ANAPC5: variants seen among roughly 807,000 people sequenced by gnomAD.
The protein encoded by ANAPC5 is anaphase-promoting complex subunit 5.
ANAPC5 carries 60 observed loss-of-function variants against 91.3 expected under a neutral mutation model. The observed-to-expected ratio is 0.66, with a 90% CI of 0.53 to 0.81. The LOEUF is 0.81. Ranked by LOEUF, ANAPC5 falls within the 40% of genes least tolerant of loss-of-function variation. The pLI is 0.00. For synonymous variants in ANAPC5, 340 were observed against 364.1 expected (o/e 0.93, Z 0.75); for missense variants, 690 against 931.5 (o/e 0.74, Z 3.37).
rs116640700 is a variant in ANAPC5, at chr12:121,309,654, T to A, written c.2056+47A>T. 102 of 1,551,350 alleles carry A rather than the reference T, an allele frequency of 6.6e-5. No individual in the cohort carries two copies. In the African/African-American group the frequency reaches 1.3e-3, roughly 20 times the overall value. On this transcript the variant is annotated intron_variant, in intron 16 of 16. Coordinates refer to ENST00000261819, the MANE Select transcript of ANAPC5 (RefSeq NM_016237.5). ...CTTCTTCTGGGTCCTAAACTTTCAA[T>A]GCTTTCTGGAATAGCATTGCCTAAC...
chr12:121,316,516 G>A (rs1902368092), intron 15 of ANAPC5, among the ~76,000 whole-genome samples: 2 of 151,940 alleles, frequency 1.3e-5, no homozygotes, highest in Admixed American at 1.3e-4. Context: ...GGCGGATCAC[G>A]AGGTCAGGAG....
intron 9 of ANAPC5, among the ~76,000 whole-genome samples, chr12:121,329,936 C>T (rs1314638490): frequency 2.0e-5 from 3 of 152,154 alleles, no homozygotes; most frequent in Non-Finnish European, 4.4e-5. Flanking sequence ...TTCAATGCCC[C>T]TCTGTGTATG....
chr12:121,341,470 G>C (rs1168202027), intron 5 of ANAPC5, among the ~76,000 whole-genome samples: 1 of 152,126 alleles, frequency 6.6e-6, no homozygotes, highest in Non-Finnish European at 1.5e-5. Context: ...CTGGGCAACA[G>C]AGTAAGACTC....
chr12:121,310,593 C>T (rs1902125600), intron 15 of ANAPC5, among the ~76,000 whole-genome samples: 1 of 151,376 alleles, frequency 6.6e-6, no homozygotes, highest in Non-Finnish European at 1.5e-5. Context: ...CTACTTAACA[C>T]ACAAGAAAGC....
chr12:121,322,656 T>C (rs1444762574), intron 11 of ANAPC5, among the ~76,000 whole-genome samples: 2 of 152,134 alleles, frequency 1.3e-5, no homozygotes, highest in Non-Finnish European at 2.9e-5. Flanking sequence ...TATTTTCCAT[T>C]TAAAAAATGC....
intron 11 of ANAPC5, among the ~76,000 whole-genome samples, chr12:121,322,067 T>C (rs927866306): frequency 5.3e-5 from 8 of 151,816 alleles, no homozygotes; most frequent in African/African-American, 1.9e-4. Context: ...GGTTTCACCA[T>C]GTTGGTCAGG....
intron 6 of ANAPC5, among the ~76,000 whole-genome samples, chr12:121,336,294 G>A (rs1156780412): frequency 6.6e-6 from 1 of 151,800 alleles, no homozygotes; most frequent in Non-Finnish European, 1.5e-5. Flanking sequence ...AATTTTCCGA[G>A]TAAAAAATCC....
At chr12:121,314,559 A>C (rs1902283136) in intron 15 of ANAPC5, among the ~76,000 whole-genome samples, 1 of 152,192 alleles carries the variant, frequency 6.6e-6, no homozygotes, top group Non-Finnish European at 1.5e-5. Flanking sequence ...ACCCACAGCT[A>C]GCATGATATT....
chr12:121,308,816 TGA>T, intron 16 of ANAPC5, 125 bp from the exon 17 acceptor site: 1 of 849,376 alleles, frequency 1.2e-6, no homozygotes, highest in South Asian at 1.6e-5. Flanking sequence ...CTCCATTCTT[TGA>T]GAGAGAAAAA....
chr12:121,319,655 C>T (rs1902516853), intron 13 of ANAPC5, 42 bp downstream of exon 13: 2 of 1,561,782 alleles, frequency 1.3e-6, no homozygotes, highest in Non-Finnish European at 1.7e-6. Context: ...AACCATTTAA[C>T]AATTATTTTA....
In ANAPC5 at chr12:121,335,606, C is replaced by A. The variant is rs1555273374; in HGVS notation, c.877G>T (p.Glu293Ter). 4 of 1,613,968 alleles carry A rather than the reference C, an allele frequency of 2.5e-6. No homozygotes were observed. The highest frequency in any genetic ancestry group is 1.3e-5 in the African/African-American group (1 of 74,928). ...LTGAESKSNG[E>*]EGYGRSLRYA... ...CTCAAGCTCCGGCCATAGCCCTCTT[C>A]CCCATTACTTTTGCTTTCGGCTCCG... Residue 293 changes from glutamate to a stop codon, truncating the protein, a stop_gained, in exon 7 of 17, where the codon GAA (glutamate) becomes TAA (stop). Transcript: ENST00000261819. LOFTEE classifies it high-confidence loss of function.
At chr12:121,341,904 C>G (rs1903473294) in intron 5 of ANAPC5, 99 bp downstream of exon 5, 29 of 873,390 alleles carry the variant, frequency 3.3e-5, no homozygotes, top group Non-Finnish European at 4.6e-5. Flanking sequence ...ACCAACAAAC[C>G]TATGCACATA....
chr12:121,353,416 C>T (rs540266703), upstream of ANAPC5, among the ~76,000 whole-genome samples: 1 of 146,238 alleles, frequency 6.8e-6, no homozygotes, highest in African/African-American at 2.4e-5. Context: ...TATCCACATG[C>T]ACACACTGTG....
At position 121,320,401 on chromosome 12, in the gene ANAPC5, T is replaced by A; in HGVS notation, c.1499A>T (p.Asn500Ile). 6.2e-7 allele frequency: 1 copy of A among 1,613,784 alleles called. No individual in the cohort carries two copies. The highest frequency in any genetic ancestry group is 8.5e-7 in the Non-Finnish European group (1 of 1,179,720). Residue 500 changes from asparagine (N) to isoleucine (I), a missense_variant, in exon 12 of 17, where the codon AAT becomes ATT. Physicochemically the swap from Asn to Ile is moderately radical, Grantham distance 149 (BLOSUM62 -3). This residue lies in a region of ANAPC5 where 317 missense variants were observed against 438.7 expected (regional missense o/e 0.72). Coordinates refer to ENST00000261819, the MANE Select transcript of ANAPC5 (RefSeq NM_016237.5). ...LKHLKERFPP[N>I]SQHAQLWMLC... ...GCAGATTACCTGGGCGTGCTGACTA[T>A]TAGGCGGAAATCGTTCCTTCAAGTG...
intron 7 of ANAPC5, chr12:121,332,940 G>A (rs988159378): frequency 6.6e-6 from 1 of 152,150 alleles, no homozygotes; most frequent in Admixed American, 6.6e-5. Context: ...TTGAGACCAG[G>A]CGTTCAAGAA....
intron 5 of ANAPC5, among the ~76,000 whole-genome samples, chr12:121,338,527 T>A (rs1903329447): frequency 2.0e-5 from 3 of 151,904 alleles, no homozygotes; most frequent in Admixed American, 2.0e-4. Context: ...AGGCAGAGAT[T>A]ACAGTGAGCC....
Position 121,328,342 on chromosome 12 carries a change from C to T in ANAPC5, c.1278G>A (p.Thr426=), listed in dbSNP as rs200823029. ...ELIDISIAQK[T]AIWRLYGRST... Reference sequence around the variant, plus strand: ...TGCGGCCATACAGCCTCCAGATGGCCGTTTTCTGTGCGATGCTGATATCGA... The same window carrying T: ...TGCGGCCATACAGCCTCCAGATGGCTGTTTTCTGTGCGATGCTGATATCGA... The change falls in exon 10 of 17, where the codon ACG becomes ACA. Residue 426 remains threonine, a synonymous_variant. Coordinates refer to ENST00000261819, the MANE Select transcript of ANAPC5 (RefSeq NM_016237.5). The T allele has an allele frequency of 2.5e-6, 4 of 1,613,888 alleles. No individual in the cohort carries two copies. Among genetic ancestry groups the T allele is most frequent in the Admixed American group, 3.3e-5 (2 of 59,974 alleles).
rs1370475312 is a variant in ANAPC5, at chr12:121,347,724, A to T, written c.287+78T>A. On this transcript the variant is annotated intron_variant, in intron 2 of 16. Coordinates refer to ENST00000261819, the MANE Select transcript of ANAPC5 (RefSeq NM_016237.5). ...GTAATAAAGGTATCTTTTTAAAAGA[A>T]TTAACTACCACATACCCTTTTGTGA... The T allele has an allele frequency of 6.1e-6, 7 of 1,144,992 alleles. No homozygotes were observed. In the African/African-American group the frequency reaches 1.1e-4, roughly 18 times the overall value. 70.9% of individuals were successfully genotyped at this position (1,144,992 alleles called of 1,614,324 possible).
chr12:121,335,853 G>C (rs1325005206), intron 6 of ANAPC5, 130 bp from the exon 7 acceptor site: 1 of 712,700 alleles, frequency 1.4e-6, no homozygotes, highest in African/African-American at 1.8e-5. Context: ...TCATAGTTTA[G>C]CTTAATCTTC....
Sources: allele counts gnomAD v4.1 joint callset (sites outside exome capture counted in the v4.1 genomes callset), GRCh38; gene constraint gnomAD v4.1.1; regional missense constraint gnomAD v4.1.1; transcripts MANE v1.5; gene names NCBI Gene and HGNC (gene_info 2026-07-23, HGNC 2026-07-21).